OR51C1: variants seen among roughly 807,000 people sequenced by gnomAD.
The protein encoded by OR51C1 is olfactory receptor family 51 subfamily C member 1.
chr11:4,694,812 G>A, the OR51C1 span, among the ~76,000 whole-genome samples: 7 of 152,046 alleles, frequency 4.6e-5, no homozygotes, highest in Non-Finnish European at 8.8e-5. Context: ...TGGCAGATTT[G>A]GAGTGTGTGC....
At chr11:4,694,220 C>G in the OR51C1 span, among the ~76,000 whole-genome samples, 1 of 151,834 alleles carries the variant, frequency 6.6e-6, no homozygotes, top group East Asian at 1.9e-4. Flanking sequence ...TTTCCTCCTT[C>G]TTGCCAAGAG....
At chr11:4,691,940 C>T in the OR51C1 span, among the ~76,000 whole-genome samples, 1 of 152,082 alleles carries the variant, frequency 6.6e-6, no homozygotes, top group Non-Finnish European at 1.5e-5. Flanking sequence ...TCTCTAGGGC[C>T]CTTTGCTGGC....
chr11:4,693,893 C>A, the OR51C1 span, among the ~76,000 whole-genome samples: 1 of 152,254 alleles, frequency 6.6e-6, no homozygotes, highest in East Asian at 1.9e-4. Flanking sequence ...AGTTTATAAT[C>A]CAGTGAGGCA....
the OR51C1 span, chr11:4,691,631 G>A: frequency 2.3e-6 from 1 of 443,502 alleles, no homozygotes; most frequent in Non-Finnish European, 4.5e-6. Flanking sequence ...AGGTGTGGAA[G>A]GCTTCCAGCC....
the OR51C1 span, among the ~76,000 whole-genome samples, chr11:4,692,891 T>A: frequency 4.0e-4 from 61 of 151,924 alleles, no homozygotes; most frequent in East Asian, 0.011. Context: ...TTAACTAAAA[T>A]TAACAGAAAA....
the OR51C1 span, among the ~76,000 whole-genome samples, chr11:4,695,824 T>C: frequency 6.6e-6 from 1 of 152,140 alleles, no homozygotes; most frequent in Non-Finnish European, 1.5e-5. Flanking sequence ...CTCTGCCTTA[T>C]AAATTGTGGG....
At chr11:4,695,075 TG>T in the OR51C1 span, among the ~76,000 whole-genome samples, 1 of 152,142 alleles carries the variant, frequency 6.6e-6, no homozygotes, top group South Asian at 2.1e-4. Context: ...CTAGGTGCTG[TG>T]GGAAATGAAG....
the OR51C1 span, chr11:4,691,761 T>A: frequency 3.0e-6 from 1 of 334,176 alleles, no homozygotes; most frequent in Non-Finnish European, 5.9e-6. Context: ...TACATTCATT[T>A]GTGTATTGAT....
At chr11:4,691,169 G>A in the OR51C1 span, 252 of 456,794 alleles carry the variant, frequency 5.5e-4, 4 homozygotes, top group East Asian at 0.016. Flanking sequence ...AGCAGTAGGA[G>A]TGGTGGAGTA....
At chr11:4,690,714 T>C in the OR51C1 span, 29 of 346,300 alleles carry the variant, frequency 8.4e-5, no homozygotes, top group South Asian at 6.4e-4. Flanking sequence ...TGACCTGAAG[T>C]ATACCATCTT....
the OR51C1 span, among the ~76,000 whole-genome samples, chr11:4,694,555 C>CA: frequency 9.4e-6 from 1 of 106,352 alleles, no homozygotes; most frequent in Non-Finnish European, 2.1e-5. Context: ...TATATATACA[C>CA]ACACACATAC....
chr11:4,696,353 CCA>C, the OR51C1 span, among the ~76,000 whole-genome samples: 8 of 151,254 alleles, frequency 5.3e-5, no homozygotes, highest in Non-Finnish European at 7.4e-5. Flanking sequence ...TTACTACCCA[CCA>C]CACACACACA....
chr11:4,696,041 G>T, the OR51C1 span, among the ~76,000 whole-genome samples: 114 of 152,214 alleles, frequency 7.5e-4, no homozygotes, highest in East Asian at 0.018. Flanking sequence ...CAAAGTTTCT[G>T]GTTTTAAGCG....
chr11:4,693,927 T>C, the OR51C1 span, among the ~76,000 whole-genome samples: 5 of 152,184 alleles, frequency 3.3e-5, no homozygotes, highest in African/African-American at 1.2e-4. Flanking sequence ...CGTTTTTCAA[T>C]AATTTCAATA....
the OR51C1 span, chr11:4,690,503 G>A: frequency 5.0e-6 from 1 of 198,376 alleles, no homozygotes; most frequent in African/African-American, 2.4e-5. Flanking sequence ...ACAGTGGTGT[G>A]AGAAGGAGAA....
the OR51C1 span, chr11:4,697,671 C>G: frequency 3.9e-5 from 6 of 152,628 alleles, no homozygotes; most frequent in African/African-American, 1.2e-4. Context: ...TACAGCAGTT[C>G]GGCCTGTTCC....
chr11:4,691,413 T>G, the OR51C1 span: 1 of 457,856 alleles, frequency 2.2e-6, no homozygotes, highest in South Asian at 1.5e-5. Context: ...CAAGCAGGCA[T>G]TAAAGCTGAT....
At chr11:4,692,866 G>T in the OR51C1 span, among the ~76,000 whole-genome samples, 360 of 151,586 alleles carry the variant, frequency 2.4e-3, 2 homozygotes, top group African/African-American at 8.3e-3. Context: ...AAAAAAGGGG[G>T]GGTGGGGGTG....
At chr11:4,696,994 G>A in the OR51C1 span, among the ~76,000 whole-genome samples, 7 of 152,252 alleles carry the variant, frequency 4.6e-5, no homozygotes, top group Non-Finnish European at 8.8e-5. Flanking sequence ...TACTGGACAC[G>A]TGTTCTGTGA....
Sources: gnomAD v4.1 joint callset for allele counts (sites outside exome capture counted in the v4.1 genomes callset) on GRCh38, gnomAD v4.1.1 for gene constraint, MANE v1.5 for transcripts, NCBI Gene and HGNC (gene_info 2026-07-23, HGNC 2026-07-21) for gene names.